The following CRYBG3 variants were observed in gnomAD, a reference collection of about 807,000 sequenced individuals.
The protein encoded by CRYBG3 is crystallin beta-gamma domain containing 3.
Under a neutral mutation model 244.2 loss-of-function variants are expected in CRYBG3, and 127 were observed. That is an observed-to-expected ratio of 0.52 (90% CI 0.45 to 0.60). The LOEUF (loss-of-function observed/expected upper bound fraction) is 0.60, where lower values mean the gene tolerates loss of function less well. Among genes scored for constraint, CRYBG3 ranks in the 20% least tolerant of loss-of-function variants. CRYBG3 has a pLI of 0.00. For synonymous variants in CRYBG3, 1,132 were observed against 1,195.8 expected (o/e 0.95, Z 1.10); for missense variants, 3,325 against 3,442.5 (o/e 0.97, Z 0.85).
intron 12 of CRYBG3, among the ~76,000 whole-genome samples, chr3:97,896,888 G>A (rs1245922550): frequency 1.3e-5 from 2 of 152,134 alleles, no homozygotes; most frequent in African/African-American, 4.8e-5. Context: ...GCCATGTTTA[G>A]GGAAATGTGG....
At position 97,876,444 on chromosome 3, in the gene CRYBG3, TG is replaced by T; in HGVS notation, c.5252del (p.Gly1751AlafsTer5). On this transcript the variant is annotated frameshift_variant, in exon 4 of 22. Transcript: ENST00000389622. LOFTEE classifies it high-confidence loss of function. ...ACCCAAAGGATACTGAAAGAGACGGTGGCAAAACTGAGGTGATGCCCCTTGC... is the reference window on the plus strand; with the variant it reads ...ACCCAAAGGATACTGAAAGAGACGGTGCAAAACTGAGGTGATGCCCCTTGC... ...TYPKDTERDG[G>X]KTEVMPLALE... The T allele has an allele frequency of 8.1e-7, 1 of 1,232,094 alleles. No individual in the cohort carries two copies. The highest frequency in any genetic ancestry group is 1.0e-6 in the Non-Finnish European group (1 of 987,954). 76.3% of individuals were successfully genotyped at this position (1,232,094 alleles called of 1,614,324 possible). A position where few individuals can be genotyped will look rare whatever the true frequency, so the allele number is the denominator to read the frequency against.
intron 1 of CRYBG3, among the ~76,000 whole-genome samples, chr3:97,832,242 AAAG>A (rs869159985): frequency 2.6e-5 from 4 of 151,590 alleles, no homozygotes; most frequent in Non-Finnish European, 5.9e-5. Flanking sequence ...AAAAAAAAAA[AAAG>A]AGCCCATATA....
At chr3:97,894,144 T>C (rs1402287805) in intron 11 of CRYBG3, among the ~76,000 whole-genome samples, 2 of 152,170 alleles carry the variant, frequency 1.3e-5, no homozygotes, top group Non-Finnish European at 2.9e-5. Context: ...TGCTGTAAAA[T>C]ATTTTTGCCT....
chr3:97,893,260 C>T (rs1233599256), intron 11 of CRYBG3, among the ~76,000 whole-genome samples: 1 of 152,144 alleles, frequency 6.6e-6, no homozygotes, highest in Admixed American at 6.5e-5. Context: ...ATAAGAATTG[C>T]AAGATAAAAT....
chr3:97,884,976 CAGTT>C (rs955854964), intron 7 of CRYBG3, among the ~76,000 whole-genome samples: 6 of 152,068 alleles, frequency 3.9e-5, no homozygotes, highest in East Asian at 3.9e-4. Flanking sequence ...TTGTGTGAGA[CAGTT>C]AGTTATGTAT....
rs1027831722 is a variant in CRYBG3 at position 97,864,406 on chromosome 3, T to G, written c.406T>G (p.Ser136Ala). 3 of 1,535,724 alleles carry G rather than the reference T, an allele frequency of 2.0e-6. No individual in the cohort carries two copies. Among genetic ancestry groups the G allele is most frequent in the Non-Finnish European group, 2.6e-6 (3 of 1,146,780 alleles). The change falls in exon 3 of 22, where the codon TCT (serine) becomes GCT (alanine). Residue 136 changes from serine (S) to alanine (A), a missense_variant. Physicochemically the swap from Ser to Ala is moderately conservative, Grantham distance 99 (BLOSUM62 1). Around this residue, in one of 4 missense-constraint regions of CRYBG3, gnomAD observed 1,526 missense variants for 1,443.2 expected, o/e 1.06. Transcript: ENST00000389622. ...GNLFNISGKS[S>A]LGEAKQSSFK... is the part of the protein sequence containing the mutation. ...CTTATTCAATATCTCGGGGAAATCA[T>G]CTCTAGGTGAAGCTAAGCAGTCTTC...
In CRYBG3 at chr3:97,941,201, C is replaced by A; in HGVS notation, c.8559C>A (p.Val2853=). 6.2e-7 allele frequency: 1 copy of A among 1,611,732 alleles called. No homozygotes were observed. The highest frequency in any genetic ancestry group is 8.5e-7 in the Non-Finnish European group (1 of 1,178,462). The change falls in exon 20 of 22, where the codon GTC becomes GTA. Residue 2853 remains valine, a synonymous_variant. Coordinates refer to ENST00000389622, the MANE Select transcript of CRYBG3 (RefSeq NM_153605.4). ...KNRAQGEYLT[V]TGSLADTRAT... Reference sequence around the variant, plus strand: ...GTGCCCAGGGTGAATATCTGACAGTCACTGGAAGTCTAGCAGACACCAGGG... The same window carrying A: ...GTGCCCAGGGTGAATATCTGACAGTAACTGGAAGTCTAGCAGACACCAGGG...
rs1307357601 is a variant in CRYBG3 at position 97,915,531 on chromosome 3, C to T, written c.8115-79C>T. 8 of 1,468,198 alleles carry T rather than the reference C, an allele frequency of 5.4e-6. No individual in the cohort carries two copies. The East Asian group carries it at 1.6e-4, about 30-fold the overall frequency. The allele number at this position is 1,468,198 out of a possible 1,614,324, so 90.9% of individuals were successfully genotyped here. ...CACTTTCTATGCCCTACCCCTACCC[C>T]AATTCCCACAGCATGATAATGAGCC... On this transcript the variant is annotated intron_variant, in intron 16 of 21. Coordinates refer to ENST00000389622, the MANE Select transcript of CRYBG3 (RefSeq NM_153605.4).
At chr3:97,891,858 T>G (rs1332058221) in intron 10 of CRYBG3, among the ~76,000 whole-genome samples, 2 of 152,142 alleles carry the variant, frequency 1.3e-5, no homozygotes, top group Admixed American at 1.3e-4. Flanking sequence ...CCTGGGTGTT[T>G]TTCTGCTAAA....
Position 97,872,591 on chromosome 3 carries a change from A to G in CRYBG3, c.1397A>G (p.His466Arg). Residue 466 changes from histidine to arginine, a missense_variant, in exon 4 of 22, where the codon CAT becomes CGT. Physicochemically the swap from His to Arg is conservative, Grantham distance 29 (BLOSUM62 0). Coordinates refer to ENST00000389622, the MANE Select transcript of CRYBG3 (RefSeq NM_153605.4). ...PSPNKSIRHE[H>R]LQLPESECSD... The stretch of plus-strand genomic sequence containing the variant: ...CCAAATAAATCAATTAGGCATGAAC[A>G]TCTGCAGTTGCCAGAGAGTGAGTGT... 1 of 1,536,022 alleles carries G rather than the reference A, an allele frequency of 6.5e-7. No homozygotes were observed. Among genetic ancestry groups the G allele is most frequent in the Admixed American group, 2.0e-5 (1 of 50,992 alleles).
At chr3:97,907,901 T>C (rs562889376) in intron 15 of CRYBG3, among the ~76,000 whole-genome samples, 39 of 151,758 alleles carry the variant, frequency 2.6e-4, no homozygotes, top group African/African-American at 8.9e-4. Context: ...TAAATTTCCC[T>C]CTACACACTG....
chr3:97,915,871 T>A (rs1457368687), intron 17 of CRYBG3, 135 bp downstream of exon 17: 2 of 711,036 alleles, frequency 2.8e-6, no homozygotes, highest in African/African-American at 1.8e-5. Flanking sequence ...ATAATTCATT[T>A]GTCAATCGTA....
At chr3:97,890,120 C>T (rs1251808745) in intron 10 of CRYBG3, among the ~76,000 whole-genome samples, 1 of 152,184 alleles carries the variant, frequency 6.6e-6, no homozygotes, top group Admixed American at 6.6e-5. Context: ...ATGGAACTGA[C>T]TTCCATTCTC....
Position 97,874,170 on chromosome 3 carries a change from T to TTTA in CRYBG3, c.2976_2977insTTA (p.Asn992_Ile993insLeu). 1 of 1,530,806 alleles carries TTTA rather than the reference T, an allele frequency of 6.5e-7. No individual in the cohort carries two copies. Among genetic ancestry groups the TTTA allele is most frequent in the Non-Finnish European group, 8.7e-7 (1 of 1,145,582 alleles). The allele number at this position is 1,530,806 out of a possible 1,614,324, so 94.8% of individuals were successfully genotyped here. ...AAATGGCGGAACTCAGCTTAACTAA[T>TTTA]ATTTCCCCTAAATTCCAAGAAACTG... On this transcript the variant is annotated inframe_insertion, in exon 4 of 22. Transcript: ENST00000389622.
intron 1 of CRYBG3, among the ~76,000 whole-genome samples, chr3:97,828,109 A>C (rs2038602223): frequency 6.6e-6 from 1 of 152,204 alleles, no homozygotes; most frequent in Non-Finnish European, 1.5e-5. Flanking sequence ...AGAGAGTTTC[A>C]GATGGAAACC....
chr3:97,845,765 C>A (rs184873616), intron 2 of CRYBG3, among the ~76,000 whole-genome samples: 2 of 152,240 alleles, frequency 1.3e-5, no homozygotes, highest in Non-Finnish European at 2.9e-5. Context: ...ATCCCTCCAT[C>A]TTCACTGGCT....
At chr3:97,936,117 A>G (rs2040161193) in intron 18 of CRYBG3, among the ~76,000 whole-genome samples, 1 of 152,080 alleles carries the variant, frequency 6.6e-6, no homozygotes. Flanking sequence ...TGACTACTGA[A>G]GTTGCTATGG....
At chr3:97,902,947 T>G (rs2039722358) in intron 15 of CRYBG3, among the ~76,000 whole-genome samples, 1 of 152,212 alleles carries the variant, frequency 6.6e-6, no homozygotes, top group Non-Finnish European at 1.5e-5. Context: ...AGATTAAATC[T>G]TATAACAGTG....
chr3:97,834,600 G>A (rs1021718621), intron 1 of CRYBG3, among the ~76,000 whole-genome samples: 12 of 152,086 alleles, frequency 7.9e-5, no homozygotes, highest in Admixed American at 5.2e-4. Context: ...TTATTGTCTT[G>A]TCAAAGCACA....
Sources: gnomAD v4.1 joint callset for allele counts (sites outside exome capture counted in the v4.1 genomes callset) on GRCh38, gnomAD v4.1.1 for gene constraint, gnomAD v4.1.1 regional missense constraint, MANE v1.5 for transcripts, NCBI Gene and HGNC (gene_info 2026-07-23, HGNC 2026-07-21) for gene names.